The following MTUS2 variants were observed in gnomAD, a reference collection of about 807,000 sequenced individuals.
The protein encoded by MTUS2 is microtubule associated scaffold protein 2.
Under a neutral mutation model 114.1 loss-of-function variants are expected in MTUS2, and 40 were observed. The observed-to-expected ratio is 0.35, with a 90% CI of 0.27 to 0.46. The LOEUF (loss-of-function observed/expected upper bound fraction) is 0.46. Ranked by LOEUF, MTUS2 falls within the 20% of genes least tolerant of loss-of-function variation. The pLI is 1.00. For synonymous variants in MTUS2, 688 were observed against 672.0 expected, an observed-to-expected ratio of 1.02 and a Z score of -0.37; for missense variants, 1,679 against 1,705.4, an observed-to-expected ratio of 0.98 and a Z score of 0.27.
intron 2 of MTUS2, among the ~76,000 whole-genome samples, chr13:28,965,467 G>C (rs1883536604): frequency 6.6e-6 from 1 of 152,168 alleles, no homozygotes; most frequent in Admixed American, 6.5e-5. Context: ...CTGCCTGGAA[G>C]CCTCTTTGTA....
At chr13:28,970,944 A>AT (rs1883826784) in intron 2 of MTUS2, among the ~76,000 whole-genome samples, 2 of 152,178 alleles carry the variant, frequency 1.3e-5, no homozygotes, top group South Asian at 4.1e-4. Flanking sequence ...TCCACGTGGT[A>AT]TTTTATCCTG....
intron 4 of MTUS2, among the ~76,000 whole-genome samples, chr13:29,086,716 A>G (rs1263976119): frequency 1.3e-5 from 2 of 152,106 alleles, no homozygotes; most frequent in East Asian, 1.9e-4. Context: ...TTTGGGCACT[A>G]TGGCCATTTT....
intron 5 of MTUS2, among the ~76,000 whole-genome samples, chr13:29,213,402 C>T (rs1354578289): frequency 1.3e-5 from 2 of 152,192 alleles, no homozygotes; most frequent in African/African-American, 2.4e-5. Flanking sequence ...TACTGATTTT[C>T]TCTCTATATG....
At chr13:29,227,168 A>C (rs1010881310) in intron 5 of MTUS2, among the ~76,000 whole-genome samples, 1 of 151,504 alleles carries the variant, frequency 6.6e-6, no homozygotes, top group African/African-American at 2.4e-5. Flanking sequence ...CTGGGGTAGG[A>C]GAATCACTTG....
chr13:29,232,323 C>T lies in MTUS2; in HGVS notation c.2645-49381C>T, dbSNP rs59492560. On this transcript the variant is annotated intron_variant, in intron 5 of 15. Transcript: ENST00000612955. ...GCGCGCGCGCACACACACACACACA[C>T]GCACACATACACATATGGGCACACA... Among the ~76,000 whole-genome samples the T allele has an allele frequency of 9.2e-4, 23 of 25,008 alleles. 1 individual carries two copies. The South Asian group carries it at 0.027, about 30-fold the overall frequency. 16.4% of individuals were successfully genotyped at this position (25,008 alleles called of 152,430 possible). A position where few individuals can be genotyped will look rare whatever the true frequency, so the allele number is the denominator to read the frequency against.
In MTUS2 at chr13:29,480,637, T is replaced by C. The variant is rs907761453; in HGVS notation, c.3399+273T>C. 2.0e-5 allele frequency among the ~76,000 whole-genome samples: 3 copies of C among 152,088 alleles called. No individual in the cohort carries two copies. Among genetic ancestry groups the C allele is most frequent in the African/African-American group, 7.2e-5 (3 of 41,408 alleles). ...TGCATGGCTGCCTCTTGCCCTCCCT[T>C]CCAGACTTTTCTCTGTCACCTTGCT... On this transcript the variant is annotated intron_variant, in intron 10 of 15. Transcript: ENST00000612955. The surrounding 1 kb of genome is among the most constrained non-coding windows in gnomAD (Gnocchi z 4.4).
intron 2 of MTUS2, among the ~76,000 whole-genome samples, chr13:28,912,042 A>G (rs1033374536): frequency 6.6e-6 from 1 of 151,812 alleles, no homozygotes; most frequent in South Asian, 2.1e-4. Flanking sequence ...TTTTGTTGCA[A>G]TTGCTTCTGG....
chr13:28,831,418 AG>A (rs1183958846), intron 1 of MTUS2, among the ~76,000 whole-genome samples: 2 of 152,258 alleles, frequency 1.3e-5, no homozygotes, highest in Non-Finnish European at 2.9e-5. Flanking sequence ...TTATATATGA[AG>A]ACACAAATAC....
chr13:29,285,115 AAG>A (rs1238087506), intron 6 of MTUS2, among the ~76,000 whole-genome samples: 1 of 151,978 alleles, frequency 6.6e-6, no homozygotes, highest in Non-Finnish European at 1.5e-5. Flanking sequence ...GAAAAACTGA[AAG>A]AGTTTGAATA....
chr13:29,065,282 C>T (rs567520535), intron 4 of MTUS2, among the ~76,000 whole-genome samples: 1 of 152,222 alleles, frequency 6.6e-6, no homozygotes, highest in East Asian at 1.9e-4. Context: ...CACAACCTTG[C>T]CAGCATCTCT....
chr13:28,871,843 C>T (rs1877636365), intron 2 of MTUS2, among the ~76,000 whole-genome samples: 2 of 152,194 alleles, frequency 1.3e-5, no homozygotes, highest in Non-Finnish European at 2.9e-5. Flanking sequence ...CCCACCATTC[C>T]AATATCTCAG....
chr13:28,847,907 C>A (rs2138016332), intron 2 of MTUS2, among the ~76,000 whole-genome samples: 1 of 152,296 alleles, frequency 6.6e-6, no homozygotes, highest in African/African-American at 2.4e-5. Flanking sequence ...AGGGGAGTAG[C>A]TAGGCCTATT....
intron 5 of MTUS2, among the ~76,000 whole-genome samples, chr13:29,183,806 A>C (rs1894106499): frequency 6.6e-6 from 1 of 152,188 alleles, no homozygotes; most frequent in Admixed American, 6.5e-5. Context: ...CCTTAAAAAT[A>C]ATGTTATTTA....
chr13:29,382,359 T>C (rs11843773), intron 8 of MTUS2, among the ~76,000 whole-genome samples: 4,172 of 151,898 alleles, frequency 0.027, 184 homozygotes, highest in African/African-American at 0.095. Flanking sequence ...GTAGTCCACA[T>C]GGGGGAGGGT....
At chr13:29,339,654 C>T in intron 7 of MTUS2, 2 of 176,056 alleles carry the variant, frequency 1.1e-5, no homozygotes, top group Non-Finnish European at 2.4e-5. Flanking sequence ...AAGTCCGGCC[C>T]AGTGATGCTC....
chr13:28,908,590 C>T lies in MTUS2; in HGVS notation c.-243+68740C>T, dbSNP rs527919700. 2.4e-3 allele frequency among the ~76,000 whole-genome samples: 368 copies of T among 151,206 alleles called. 6 individuals carry two copies. Among genetic ancestry groups the T allele is most frequent in the Non-Finnish European group, 3.9e-3 (263 of 67,838 alleles). On this transcript the variant is annotated intron_variant, in intron 2 of 15. Coordinates refer to ENST00000612955, the MANE Select transcript of MTUS2 (RefSeq NM_001033602.4). The stretch of plus-strand genomic sequence containing the variant: ...AAGTCTTTGCTATTGTGAATAGTGC[C>T]GCAATAAACATACATGTGCATGTGT...
intron 5 of MTUS2, among the ~76,000 whole-genome samples, chr13:29,130,590 A>T (rs1308574389): frequency 6.6e-6 from 1 of 151,952 alleles, no homozygotes; most frequent in Non-Finnish European, 1.5e-5. Flanking sequence ...ACACTTATTC[A>T]TTATGTGTAT....
At chr13:29,191,795 T>C (rs1220446255) in intron 5 of MTUS2, among the ~76,000 whole-genome samples, 1 of 152,210 alleles carries the variant, frequency 6.6e-6, no homozygotes, top group Non-Finnish European at 1.5e-5. Flanking sequence ...CCCACTATTT[T>C]GGATGGCTAA....
intron 2 of MTUS2, among the ~76,000 whole-genome samples, chr13:28,945,292 A>G (rs1882467386): frequency 2.8e-5 from 1 of 35,982 alleles, no homozygotes; most frequent in South Asian, 6.5e-4. Flanking sequence ...CATACGAGGG[A>G]AGGTATCTTC....
Sources: allele counts gnomAD v4.1 joint callset (sites outside exome capture counted in the v4.1 genomes callset), GRCh38; gene constraint gnomAD v4.1.1; non-coding constraint Gnocchi (gnomAD v3.1); transcripts MANE v1.5; gene names NCBI Gene and HGNC (gene_info 2026-07-23, HGNC 2026-07-21).